DCDC2: variants seen among roughly 807,000 people sequenced by gnomAD.
DCDC2 encodes the protein doublecortin domain containing 2.
DCDC2 carries 40 observed loss-of-function variants against 50.2 expected under a neutral mutation model. The ratio of observed to expected loss-of-function variants is 0.80; its 90% CI spans 0.62 to 1.04. The LOEUF is 1.04. DCDC2 is among the 50% of genes least tolerant of loss of function. The probability of loss-of-function intolerance (pLI) is 0.00; values close to 1 mark genes in which losing one functional copy is unlikely to be tolerated. For missense variants in DCDC2, 570 were observed against 581.9 expected (o/e 0.98, Z 0.21); for synonymous variants, 234 against 210.6 (o/e 1.11, Z -0.96).
At chr6:24,379,371 G>A in the DCDC2 span, among the ~76,000 whole-genome samples, 6 of 152,096 alleles carry the variant, frequency 3.9e-5, no homozygotes, top group Non-Finnish European at 7.4e-5. Flanking sequence ...CCATCAAAAA[G>A]TGGGCAAAGG....
rs557501679 is a variant in DCDC2 at position 24,297,433 on chromosome 6, A to C, written c.557+4282T>G. Among the ~76,000 whole-genome samples, 211 of 152,322 alleles carry C rather than the reference A, an allele frequency of 1.4e-3. 2 individuals carry two copies. The highest frequency in any genetic ancestry group is 4.8e-3 in the African/African-American group (200 of 41,566). On this transcript the variant is annotated intron_variant, in intron 4 of 9. Coordinates refer to ENST00000378454, the MANE Select transcript of DCDC2 (RefSeq NM_016356.5). ...GTGACACAAGTTTACCTATGCAACT[A>C]ACCTGCACATGTACCCGTGAACCTA...
intron 2 of DCDC2, among the ~76,000 whole-genome samples, chr6:24,331,709 C>T (rs960186565): frequency 5.3e-5 from 8 of 152,044 alleles, no homozygotes; most frequent in African/African-American, 1.9e-4. Flanking sequence ...ATACAGATTT[C>T]TCAGACTAAA....
chr6:24,249,495 G>GC (rs1217716173), intron 7 of DCDC2, among the ~76,000 whole-genome samples: 3 of 152,198 alleles, frequency 2.0e-5, no homozygotes, highest in Non-Finnish European at 4.4e-5. Context: ...CAGTAATGTA[G>GC]CTTTTGATAA....
rs1292407311 is a variant in DCDC2 at position 24,326,192 on chromosome 6, A to AG, written c.349-24149dup. ...AAGGAAGGAAGGAAGGAAGGAAGGA[A>AG]GAAAGGAAGGAAGGAAAGAATGAAG... On this transcript the variant is annotated intron_variant, in intron 2 of 9. Coordinates refer to ENST00000378454, the MANE Select transcript of DCDC2 (RefSeq NM_016356.5). Among the ~76,000 whole-genome samples the AG allele has an allele frequency of 1.7e-3, 252 of 145,240 alleles. 14 individuals carry two copies. Among genetic ancestry groups the AG allele is most frequent in the South Asian group, 3.7e-3 (15 of 4,104 alleles).
chr6:24,255,020 G>A (rs562934922), intron 7 of DCDC2, among the ~76,000 whole-genome samples: 7 of 152,138 alleles, frequency 4.6e-5, no homozygotes, highest in African/African-American at 1.7e-4. Flanking sequence ...AAATCTTAAA[G>A]AAGAACTGAA....
chr6:24,180,555 T>A (rs550062479), intron 8 of DCDC2, among the ~76,000 whole-genome samples: 1 of 152,276 alleles, frequency 6.6e-6, no homozygotes, highest in Admixed American at 6.5e-5. Flanking sequence ...CCCAAAGTGC[T>A]GGGATTACAG....
At chr6:24,200,223 T>C (rs1581582245) in intron 8 of DCDC2, among the ~76,000 whole-genome samples, 1 of 151,298 alleles carries the variant, frequency 6.6e-6, no homozygotes, top group East Asian at 1.9e-4. Flanking sequence ...TTCACCAAGG[T>C]TGAAATGAAG....
At chr6:24,340,003 T>C in intron 2 of DCDC2, among the ~76,000 whole-genome samples, 1 of 152,164 alleles carries the variant, frequency 6.6e-6, no homozygotes. Flanking sequence ...GAATAGAGTT[T>C]CGGAATAAAT....
chr6:24,292,006 C>A (rs553569299), intron 4 of DCDC2, among the ~76,000 whole-genome samples: 4 of 151,644 alleles, frequency 2.6e-5, no homozygotes, highest in African/African-American at 9.7e-5. Flanking sequence ...TTTTTTTTTG[C>A]CGTCCCTACT....
At chr6:24,357,191 A>G (rs1464744592) in intron 1 of DCDC2, 1 of 353,102 alleles carries the variant, frequency 2.8e-6, no homozygotes, top group African/African-American at 2.1e-5. Context: ...TTGCAAGGAT[A>G]CCTTTTTATT....
chr6:24,245,050 C>T (rs1449789278), intron 7 of DCDC2, among the ~76,000 whole-genome samples: 1 of 152,078 alleles, frequency 6.6e-6, no homozygotes, highest in Non-Finnish European at 1.5e-5. Context: ...CAAAAATTAG[C>T]TGGGTGTGGT....
intron 2 of DCDC2, among the ~76,000 whole-genome samples, chr6:24,337,062 TC>T (rs935533475): frequency 1.3e-5 from 2 of 152,210 alleles, no homozygotes; most frequent in Admixed American, 1.3e-4. Context: ...ATTATCTTCC[TC>T]CCATCCTTCA....
At chr6:24,259,939 T>C (rs757632851) in intron 7 of DCDC2, among the ~76,000 whole-genome samples, 27 of 152,316 alleles carry the variant, frequency 1.8e-4, no homozygotes, top group African/African-American at 6.0e-4. Flanking sequence ...GTACTCACCA[T>C]GTTGACAATA....
At chr6:24,241,425 T>G (rs1259567169) in intron 7 of DCDC2, among the ~76,000 whole-genome samples, 1 of 152,214 alleles carries the variant, frequency 6.6e-6, no homozygotes, top group Non-Finnish European at 1.5e-5. Flanking sequence ...CAGTAAAAGG[T>G]CCAATCACTC....
Position 24,248,124 on chromosome 6 carries a change from T to G in DCDC2, c.922+29925A>C, listed in dbSNP as rs538221672. Among the ~76,000 whole-genome samples, 26 of 152,328 alleles carry G rather than the reference T, an allele frequency of 1.7e-4. No homozygotes were observed. In the South Asian group the frequency reaches 5.4e-3, roughly 32 times the overall value. On this transcript the variant is annotated intron_variant, in intron 7 of 9. Coordinates refer to ENST00000378454, the MANE Select transcript of DCDC2 (RefSeq NM_016356.5). ...AAAAAAAGAATGTTCTAACGTTCTT[T>G]AACTGCTCTTCAGCTCAGTTTCTGC... is the stretch of plus-strand genomic sequence containing the variant.
intron 7 of DCDC2, among the ~76,000 whole-genome samples, chr6:24,229,333 T>A (rs1581599385): frequency 1.3e-5 from 2 of 152,094 alleles, no homozygotes; most frequent in Non-Finnish European, 2.9e-5. Context: ...CGTGGTCGAG[T>A]CTTTTTTACA....
chr6:24,291,491 T>C (rs1157749212), intron 4 of DCDC2, among the ~76,000 whole-genome samples: 2 of 136,626 alleles, frequency 1.5e-5, no homozygotes, highest in Non-Finnish European at 3.1e-5. Flanking sequence ...TTTTTTTTTT[T>C]TTTTTTTTTT....
intron 7 of DCDC2, among the ~76,000 whole-genome samples, chr6:24,213,602 A>G (rs1239676584): frequency 6.6e-6 from 1 of 152,208 alleles, no homozygotes; most frequent in African/African-American, 2.4e-5. Flanking sequence ...CTACATTCAC[A>G]TGTGAAATAT....
chr6:24,296,157 C>G (rs1451586597), intron 4 of DCDC2, among the ~76,000 whole-genome samples: 3 of 152,022 alleles, frequency 2.0e-5, no homozygotes, highest in Non-Finnish European at 4.4e-5. Flanking sequence ...AAATAGAGAC[C>G]CCAGAAATAA....
Sources: allele counts gnomAD v4.1 joint callset (sites outside exome capture counted in the v4.1 genomes callset), GRCh38; gene constraint gnomAD v4.1.1; transcripts MANE v1.5; gene names NCBI Gene and HGNC (gene_info 2026-07-23, HGNC 2026-07-21).